Variants in GPM6A observed in about 807,000 individuals in gnomAD.
GPM6A encodes glycoprotein M6A.
In GPM6A, 7 loss-of-function variants were observed where a neutral mutation model predicts 32.1. The observed-to-expected ratio is 0.22, with a 90% CI of 0.12 to 0.41. The LOEUF is 0.41. Ranked by LOEUF, GPM6A falls within the 10% of genes least tolerant of loss-of-function variation. The probability of loss-of-function intolerance (pLI) is 1.00; values close to 1 mark genes in which losing one functional copy is unlikely to be tolerated. For synonymous variants in GPM6A, 130 were observed against 123.4 expected (o/e 1.05, Z -0.35); for missense variants, 235 against 347.2 (o/e 0.68, Z 2.57).
chr4:175,999,616 C>A (rs544078578), intron 1 of GPM6A, among the ~76,000 whole-genome samples: 34 of 151,886 alleles, frequency 2.2e-4, no homozygotes, highest in Admixed American at 5.9e-4. Context: ...TACTCTCATT[C>A]TTCCACAGTG....
intron 1 of GPM6A, among the ~76,000 whole-genome samples, chr4:175,943,552 C>T (rs1739485836): frequency 6.6e-6 from 1 of 152,082 alleles, no homozygotes; most frequent in African/African-American, 2.4e-5. Context: ...GAGATACATT[C>T]CATCAGTATC....
chr4:175,861,180 C>T (rs2111420275), intron 1 of GPM6A, among the ~76,000 whole-genome samples: 1 of 151,538 alleles, frequency 6.6e-6, no homozygotes, highest in South Asian at 2.1e-4. Context: ...AAATTAAAGG[C>T]ACAAATACAA....
intron 1 of GPM6A, among the ~76,000 whole-genome samples, chr4:175,864,557 T>A (rs140747528): frequency 1.4e-4 from 22 of 152,314 alleles, no homozygotes; most frequent in African/African-American, 5.0e-4. Context: ...ACAACTTTTT[T>A]AATAAAAATT....
chr4:175,991,231 A>ATTTT (rs1554007435), intron 1 of GPM6A, among the ~76,000 whole-genome samples: 1,246 of 119,046 alleles, frequency 0.01, 18 homozygotes, highest in African/African-American at 0.034. Context: ...ACTCCCAGCT[A>ATTTT]TTTTTTTTTT....
At chr4:175,749,831 A>G (rs148703293) in intron 1 of GPM6A, among the ~76,000 whole-genome samples, 47 of 152,264 alleles carry the variant, frequency 3.1e-4, no homozygotes, top group African/African-American at 1.1e-3. Flanking sequence ...CAACTTCCCC[A>G]CAACTGATAG....
intron 1 of GPM6A, among the ~76,000 whole-genome samples, chr4:175,964,118 A>G (rs1740256771): frequency 6.6e-6 from 1 of 152,106 alleles, no homozygotes. Flanking sequence ...AGAGAGAGAA[A>G]GAAACAAAGA....
At chr4:175,837,791 C>T (rs1017575137) in intron 1 of GPM6A, among the ~76,000 whole-genome samples, 7 of 152,108 alleles carry the variant, frequency 4.6e-5, no homozygotes, top group African/African-American at 1.7e-4. Flanking sequence ...AGATAGTCAT[C>T]CATGTCCTCA....
intron 1 of GPM6A, among the ~76,000 whole-genome samples, chr4:175,865,479 C>G (rs1040893991): frequency 7.9e-5 from 12 of 152,092 alleles, no homozygotes; most frequent in Non-Finnish European, 2.9e-5. Flanking sequence ...TGAGTGGGTT[C>G]TTGATTGGTA....
chr4:175,920,840 CAAA>C (rs111395503), intron 1 of GPM6A, among the ~76,000 whole-genome samples: 2 of 127,738 alleles, frequency 1.6e-5, no homozygotes, highest in Non-Finnish European at 1.7e-5. Flanking sequence ...GAATCTGTCT[CAAA>C]AAAAAAAAAA....
At chr4:175,891,560 T>C (rs572936291) in intron 1 of GPM6A, 3 of 152,356 alleles carry the variant, frequency 2.0e-5, no homozygotes, top group Admixed American at 6.5e-5. Flanking sequence ...CATCGAAATG[T>C]ACCGAACTTA....
chr4:175,760,165 G>A (rs1483752497), intron 1 of GPM6A, among the ~76,000 whole-genome samples: 3 of 152,076 alleles, frequency 2.0e-5, no homozygotes, highest in Non-Finnish European at 4.4e-5. Flanking sequence ...AGCAGAGTGA[G>A]ACTCCGTCTC....
At chr4:175,959,202 C>A (rs955916604) in intron 1 of GPM6A, among the ~76,000 whole-genome samples, 4 of 152,136 alleles carry the variant, frequency 2.6e-5, no homozygotes, top group Non-Finnish European at 5.9e-5. Flanking sequence ...CTCAAAATCG[C>A]TGGGTAGATG....
intron 1 of GPM6A, among the ~76,000 whole-genome samples, chr4:175,958,094 T>C (rs1264311261): frequency 6.6e-6 from 1 of 152,162 alleles, no homozygotes; most frequent in Admixed American, 6.5e-5. Flanking sequence ...TGTTTCACCA[T>C]ATTGGCCAGG....
At chr4:175,931,671 T>TATACACACACAC (rs1373359870) in intron 1 of GPM6A, among the ~76,000 whole-genome samples, 11 of 136,534 alleles carry the variant, frequency 8.1e-5, no homozygotes, top group African/African-American at 2.6e-4. Flanking sequence ...TTAAAAAATA[T>TATACACACACAC]ACACACACAC....
At position 175,709,533 on chromosome 4, in the gene GPM6A, G is replaced by C. The variant is rs562980283; in HGVS notation, c.38-7766C>G. 2.0e-4 allele frequency among the ~76,000 whole-genome samples: 30 copies of C among 152,056 alleles called. No homozygotes were observed. In the South Asian group the frequency reaches 2.1e-3, roughly 11 times the overall value. ...TCATGAGGTCAGGCGTTCCAGACCA[G>C]CCTGGCCAACATGGTGAAACCCCAT... On this transcript the variant is annotated intron_variant, in intron 1 of 6. Coordinates refer to ENST00000393658, the MANE Select transcript of GPM6A (RefSeq NM_201591.3).
At chr4:175,835,752 ATAAT>A (rs1158936380) in intron 1 of GPM6A, among the ~76,000 whole-genome samples, 1 of 147,460 alleles carries the variant, frequency 6.8e-6, no homozygotes, top group Non-Finnish European at 1.5e-5. Context: ...ATTTTTTCAA[ATAAT>A]TATATTTACT....
At chr4:175,722,466 G>A (rs527759822) in intron 1 of GPM6A, among the ~76,000 whole-genome samples, 23 of 152,196 alleles carry the variant, frequency 1.5e-4, no homozygotes, top group Non-Finnish European at 2.9e-4. Flanking sequence ...TTAAGCTCCC[G>A]CAGTAAGATC....
intron 1 of GPM6A, among the ~76,000 whole-genome samples, chr4:175,767,645 T>C (rs990079609): frequency 6.6e-6 from 1 of 152,266 alleles, no homozygotes; most frequent in African/African-American, 2.4e-5. Flanking sequence ...AATATGTGGC[T>C]GTAGTTATGG....
intron 1 of GPM6A, among the ~76,000 whole-genome samples, chr4:175,825,935 T>A (rs1207390800): frequency 6.6e-6 from 1 of 152,052 alleles, no homozygotes; most frequent in Non-Finnish European, 1.5e-5. Flanking sequence ...ATCTCAGAAT[T>A]TTGGGAGTCC....
Sources: allele counts gnomAD v4.1 joint callset (sites outside exome capture counted in the v4.1 genomes callset), GRCh38; gene constraint gnomAD v4.1.1; transcripts MANE v1.5; gene names NCBI Gene and HGNC (gene_info 2026-07-23, HGNC 2026-07-21).